GRIA3: variants seen among roughly 807,000 people sequenced by gnomAD.
GRIA3 encodes glutamate receptor 3.
Under a neutral mutation model 63.0 loss-of-function variants are expected in GRIA3, and 3 were observed. The ratio of observed to expected loss-of-function variants is 0.05; its 90% CI spans 0.02 to 0.12. The LOEUF is 0.12. GRIA3 is among the 10% of genes least tolerant of loss of function. The pLI, the probability that GRIA3 is intolerant of heterozygous loss-of-function variation, is 1.00. For missense variants in GRIA3, 347 were observed against 700.9 expected, an observed-to-expected ratio of 0.50 and a Z score of 5.70; for synonymous variants, 274 against 257.9, an observed-to-expected ratio of 1.06 and a Z score of -0.60.
intron 12 of GRIA3, among the ~76,000 whole-genome samples, chrX:123,430,764 C>T: frequency 9.0e-6 from 1 of 110,897 alleles, no homozygotes; most frequent in East Asian, 2.8e-4. Flanking sequence ...GCAGGCAGAT[C>T]ACGAGCTCAG....
At chrX:123,484,768 C>T (rs1366924200) in intron 15 of GRIA3, among the ~76,000 whole-genome samples, 1 of 112,861 alleles carries the variant, frequency 8.9e-6, no homozygotes, top group Admixed American at 9.3e-5. Flanking sequence ...CAGGCGTGAG[C>T]CACCATGCCC....
At chrX:123,214,624 T>C (rs1213584328) in intron 2 of GRIA3, among the ~76,000 whole-genome samples, 1 of 111,688 alleles carries the variant, frequency 9.0e-6, no homozygotes, top group Non-Finnish European at 1.9e-5. Flanking sequence ...AACAAAATAC[T>C]CCCTGGATTA....
intron 2 of GRIA3, among the ~76,000 whole-genome samples, chrX:123,200,639 A>ACG (rs1307157834): frequency 9.3e-6 from 1 of 107,042 alleles, no homozygotes; most frequent in Non-Finnish European, 1.9e-5. Flanking sequence ...ACACACACAC[A>ACG]CACGCAACCA....
intron 5 of GRIA3, among the ~76,000 whole-genome samples, chrX:123,359,101 A>G: frequency 8.9e-6 from 1 of 111,903 alleles, no homozygotes; most frequent in Non-Finnish European, 1.9e-5. Context: ...AGACGTAGAC[A>G]AGATCAGTAT....
intron 2 of GRIA3, among the ~76,000 whole-genome samples, chrX:123,211,746 ATC>A (rs759735583): frequency 3.6e-5 from 4 of 111,322 alleles, no homozygotes; most frequent in African/African-American, 1.3e-4. Flanking sequence ...GTCCCCAAAA[ATC>A]TCTGTCAAAA....
chrX:123,394,094 G>C (rs2045400254), intron 5 of GRIA3, among the ~76,000 whole-genome samples: 1 of 112,484 alleles, frequency 8.9e-6, no homozygotes, highest in East Asian at 2.8e-4. Flanking sequence ...GGGTGCAGTG[G>C]CTCATGCCTG....
At chrX:123,225,076 A>G (rs2044239117) in intron 2 of GRIA3, among the ~76,000 whole-genome samples, 1 of 111,894 alleles carries the variant, frequency 8.9e-6, no homozygotes, top group African/African-American at 3.2e-5. Context: ...TCTGCCACAG[A>G]CTTCATGTTT....
At chrX:123,411,168 A>G (rs2045503642) in intron 10 of GRIA3, among the ~76,000 whole-genome samples, 1 of 111,776 alleles carries the variant, frequency 8.9e-6, no homozygotes, top group South Asian at 3.8e-4. Flanking sequence ...ACACATATCA[A>G]CTTTCCAAAG....
intron 12 of GRIA3, among the ~76,000 whole-genome samples, chrX:123,436,462 C>T (rs1338213725): frequency 8.9e-6 from 1 of 111,936 alleles, no homozygotes; most frequent in Non-Finnish European, 1.9e-5. Context: ...TTAGCTATTC[C>T]TTTGTGGCCT....
At chrX:123,399,132 C>T (rs2045430679) in intron 7 of GRIA3, among the ~76,000 whole-genome samples, 1 of 111,445 alleles carries the variant, frequency 9.0e-6, no homozygotes, top group East Asian at 2.8e-4. Context: ...TCAAAAAATT[C>T]AAAGCTTTCA....
At chrX:123,357,956 T>C (rs543579364) in intron 5 of GRIA3, among the ~76,000 whole-genome samples, 1 of 111,158 alleles carries the variant, frequency 9.0e-6, no homozygotes, top group South Asian at 3.9e-4. Context: ...AGATAGGAGC[T>C]GCTGTTCATC....
chrX:123,299,135 G>A (rs930976656), intron 3 of GRIA3, among the ~76,000 whole-genome samples: 1 of 111,316 alleles, frequency 9.0e-6, no homozygotes, highest in African/African-American at 3.3e-5. Context: ...CTTTAGCCTT[G>A]TACTATAGTA....
At chrX:123,325,152 C>A (rs1365243409) in intron 3 of GRIA3, among the ~76,000 whole-genome samples, 1 of 112,129 alleles carries the variant, frequency 8.9e-6, no homozygotes, top group East Asian at 2.8e-4. Context: ...AGAAGCGAAA[C>A]TATAGACACA....
intron 12 of GRIA3, among the ~76,000 whole-genome samples, chrX:123,441,390 A>G (rs190999590): frequency 6.3e-5 from 7 of 111,954 alleles, no homozygotes. Context: ...CAACTGTATC[A>G]TAGTAGAAAT....
At chrX:123,192,183 A>C (rs927519679) in intron 2 of GRIA3, among the ~76,000 whole-genome samples, 1 of 111,468 alleles carries the variant, frequency 9.0e-6, no homozygotes, top group Non-Finnish European at 1.9e-5. Context: ...CAACTTCTTC[A>C]TATTGAATCT....
chrX:123,369,237 T>C (rs984120302), intron 5 of GRIA3, among the ~76,000 whole-genome samples: 1 of 111,961 alleles, frequency 8.9e-6, no homozygotes, highest in Admixed American at 9.6e-5. Flanking sequence ...CAAAAGGAAA[T>C]GTAGCAACAT....
chrX:123,481,910 A>G (rs1044329837), intron 14 of GRIA3, among the ~76,000 whole-genome samples: 6 of 111,992 alleles, frequency 5.4e-5, no homozygotes, highest in African/African-American at 9.8e-5. Context: ...AAGAAAGCAA[A>G]TAAGTGTAAT....
intron 12 of GRIA3, among the ~76,000 whole-genome samples, chrX:123,434,162 G>A (rs1195773032): frequency 1.8e-5 from 2 of 111,797 alleles, no homozygotes; most frequent in Admixed American, 1.9e-4. Flanking sequence ...ACATAATCCA[G>A]AAAATCAACC....
intron 12 of GRIA3, among the ~76,000 whole-genome samples, chrX:123,460,749 G>A (rs934682475): frequency 8.1e-5 from 9 of 111,388 alleles, no homozygotes; most frequent in African/African-American, 2.3e-4. Flanking sequence ...TCTGTGTATC[G>A]AATTATTGAT....
Sources: allele counts gnomAD v4.1 joint callset (sites outside exome capture counted in the v4.1 genomes callset), GRCh38; gene constraint gnomAD v4.1.1; transcripts MANE v1.5; gene names NCBI Gene and HGNC (gene_info 2026-07-23, HGNC 2026-07-21).